Variants in FCHSD2 observed in about 807,000 individuals in gnomAD.
The protein encoded by FCHSD2 is FCH and double SH3 domains 2.
In FCHSD2, 38 loss-of-function variants were observed where a neutral mutation model predicts 108.1. The observed-to-expected ratio is 0.35, with a 90% CI of 0.27 to 0.46. The LOEUF (loss-of-function observed/expected upper bound fraction) is 0.46. Among genes scored for constraint, FCHSD2 ranks in the 20% least tolerant of loss-of-function variants. The pLI, the probability that FCHSD2 is intolerant of heterozygous loss-of-function variation, is 1.00. For synonymous variants in FCHSD2, 279 were observed against 314.7 expected (o/e 0.89, Z 1.20); for missense variants, 751 against 897.8 (o/e 0.84, Z 2.09).
intron 3 of FCHSD2, among the ~76,000 whole-genome samples, chr11:73,028,735 G>C (rs1300597341): frequency 3.3e-5 from 5 of 152,168 alleles, no homozygotes; most frequent in African/African-American, 1.2e-4. Flanking sequence ...GGAAAAACCT[G>C]GTGGGAGGAG....
intron 8 of FCHSD2, among the ~76,000 whole-genome samples, chr11:72,932,561 C>T (rs141942027): frequency 4.8e-4 from 73 of 152,306 alleles, no homozygotes; most frequent in Non-Finnish European, 6.6e-4. Context: ...TGAGCTTTCA[C>T]ACAGGCTTTT....
chr11:72,984,372 A>G (rs574872788), intron 7 of FCHSD2, among the ~76,000 whole-genome samples, 156 bp from the exon 8 acceptor site: 1 of 152,184 alleles, frequency 6.6e-6, no homozygotes, highest in African/African-American at 2.4e-5. Context: ...ATTATTCATC[A>G]CTACTAAGGA....
intron 2 of FCHSD2, among the ~76,000 whole-genome samples, chr11:73,099,602 G>A (rs1336108266): frequency 6.6e-6 from 1 of 152,200 alleles, no homozygotes; most frequent in Non-Finnish European, 1.5e-5. Context: ...ACATACAACC[G>A]AGTATTATCC....
chr11:73,034,316 G>A (rs1364083994), intron 3 of FCHSD2, among the ~76,000 whole-genome samples: 1 of 152,150 alleles, frequency 6.6e-6, no homozygotes, highest in Non-Finnish European at 1.5e-5. Context: ...AAGACCAAGT[G>A]CTCACACCTA....
At chr11:72,855,955 C>G (rs191775254) in intron 13 of FCHSD2, among the ~76,000 whole-genome samples, 17 of 152,264 alleles carry the variant, frequency 1.1e-4, no homozygotes, top group African/African-American at 1.4e-4. Flanking sequence ...AAAGAAGAGA[C>G]AAACAGCCTC....
At chr11:73,094,396 T>C (rs940123064) in intron 2 of FCHSD2, among the ~76,000 whole-genome samples, 10 of 152,208 alleles carry the variant, frequency 6.6e-5, no homozygotes, top group African/African-American at 1.9e-4. Flanking sequence ...TATTTTGATA[T>C]AACAATTCCA....
intron 12 of FCHSD2, among the ~76,000 whole-genome samples, chr11:72,870,289 G>A (rs1174152165): frequency 6.6e-6 from 1 of 152,070 alleles, no homozygotes; most frequent in Non-Finnish European, 1.5e-5. Context: ...ATTATACTTA[G>A]CTATTTAACT....
chr11:72,881,916 C>A (rs751051316), intron 12 of FCHSD2, among the ~76,000 whole-genome samples: 1 of 149,354 alleles, frequency 6.7e-6, no homozygotes, highest in Non-Finnish European at 1.5e-5. Context: ...CCGAGGGGGG[C>A]GAATCATGAG....
intron 2 of FCHSD2, among the ~76,000 whole-genome samples, chr11:73,110,422 T>C (rs1860455569): frequency 6.6e-6 from 1 of 152,196 alleles, no homozygotes. Flanking sequence ...TCTTGATAAG[T>C]TGTATGTGTC....
At chr11:72,869,278 AAATT>A (rs1002220769) in intron 12 of FCHSD2, among the ~76,000 whole-genome samples, 3 of 152,234 alleles carry the variant, frequency 2.0e-5, no homozygotes, top group Admixed American at 1.3e-4. Flanking sequence ...TTTTTCCCTC[AAATT>A]AATTAAGTTC....
intron 8 of FCHSD2, among the ~76,000 whole-genome samples, chr11:72,965,785 T>A (rs538603053): frequency 1.3e-5 from 2 of 152,224 alleles, no homozygotes; most frequent in African/African-American, 4.8e-5. Flanking sequence ...TTCTTAAGTA[T>A]ATAAATAGAA....
intron 13 of FCHSD2, among the ~76,000 whole-genome samples, chr11:72,864,355 G>GT (rs1854671962): frequency 6.6e-6 from 1 of 152,166 alleles, no homozygotes; most frequent in African/African-American, 2.4e-5. Context: ...GATCCTAGGA[G>GT]TTTGAGACTA....
intron 14 of FCHSD2, 122 bp from the exon 15 acceptor site, chr11:72,843,654 A>T (rs1175665516): frequency 4.4e-6 from 3 of 683,132 alleles, no homozygotes; most frequent in Non-Finnish European, 7.6e-6. Flanking sequence ...TGTTGAACAT[A>T]AAAATTTAAA....
chr11:73,012,679 A>G (rs1379693529), intron 4 of FCHSD2, among the ~76,000 whole-genome samples: 1 of 152,146 alleles, frequency 6.6e-6, no homozygotes, highest in Non-Finnish European at 1.5e-5. Context: ...TGCCTAAATG[A>G]AAACACCTGG....
At chr11:73,042,258 G>A (rs1207645466) in intron 3 of FCHSD2, among the ~76,000 whole-genome samples, 2 of 152,048 alleles carry the variant, frequency 1.3e-5, no homozygotes, top group African/African-American at 4.8e-5. Flanking sequence ...AAAGACAGGG[G>A]TCATTCTTCC....
At chr11:73,141,051 C>A (rs563509998) in intron 1 of FCHSD2, among the ~76,000 whole-genome samples, 1 of 152,304 alleles carries the variant, frequency 6.6e-6, no homozygotes, top group East Asian at 1.9e-4. Context: ...CACCCAGTGC[C>A]CAGAGTAGAC....
chr11:72,905,803 G>C (rs1354851371), intron 9 of FCHSD2, among the ~76,000 whole-genome samples: 1 of 152,192 alleles, frequency 6.6e-6, no homozygotes, highest in African/African-American at 2.4e-5. Context: ...ATTCCATGGT[G>C]TATATGTGCT....
chr11:73,074,257 T>C (rs1056386957), intron 3 of FCHSD2, among the ~76,000 whole-genome samples: 1 of 152,224 alleles, frequency 6.6e-6, no homozygotes. Flanking sequence ...CTTTTCTATA[T>C]GGATTTTCAG....
chr11:72,850,190 A>G (rs1243029350), intron 13 of FCHSD2, among the ~76,000 whole-genome samples: 1 of 151,046 alleles, frequency 6.6e-6, no homozygotes, highest in African/African-American at 2.4e-5. Context: ...AGTCTCCCGA[A>G]TAGCTGGGAT....
Sources: allele counts gnomAD v4.1 joint callset (sites outside exome capture counted in the v4.1 genomes callset), GRCh38; gene constraint gnomAD v4.1.1; transcripts MANE v1.5; gene names NCBI Gene and HGNC (gene_info 2026-07-23, HGNC 2026-07-21).